Variants in CMSS1 observed in about 807,000 individuals in gnomAD.
CMSS1 encodes the protein protein CMSS1.
A neutral mutation model predicts 43.5 loss-of-function variants in CMSS1; 33 were observed. That is an observed-to-expected ratio of 0.76 (90% CI 0.57 to 1.01). The LOEUF (loss-of-function observed/expected upper bound fraction) is 1.01, where lower values mean the gene tolerates loss of function less well. Among genes scored for constraint, CMSS1 ranks in the 50% least tolerant of loss-of-function variants. The pLI is 0.00. For missense variants in CMSS1, 313 were observed against 326.4 expected (o/e 0.96, Z 0.32); for synonymous variants, 115 against 117.2 (o/e 0.98, Z 0.12).
intron 1 of CMSS1, among the ~76,000 whole-genome samples, chr3:99,843,293 A>C (rs1943214107): frequency 6.6e-6 from 1 of 152,230 alleles, no homozygotes; most frequent in Admixed American, 6.5e-5. Context: ...TAGCTCAGCC[A>C]AAGATTTAGG....
intron 1 of CMSS1, among the ~76,000 whole-genome samples, chr3:99,838,922 G>A (rs949261566): frequency 1.3e-5 from 2 of 152,040 alleles, no homozygotes; most frequent in African/African-American, 4.8e-5. Flanking sequence ...CTGTATTCAT[G>A]GTTCTTCACA....
chr3:100,158,898 G>A (rs181097858), intron 2 of CMSS1, among the ~76,000 whole-genome samples: 5 of 152,298 alleles, frequency 3.3e-5, no homozygotes, highest in Admixed American at 2.0e-4. Context: ...ACCTCCATAC[G>A]TTAATAGATT....
chr3:99,892,738 A>C (rs1706124282), intron 1 of CMSS1, among the ~76,000 whole-genome samples: 1 of 152,122 alleles, frequency 6.6e-6, no homozygotes, highest in African/African-American at 2.4e-5. Flanking sequence ...ACCCACCCTC[A>C]AAGGCTTGCC....
At chr3:100,144,102 G>A (rs1052400661) in intron 1 of CMSS1, among the ~76,000 whole-genome samples, 1 of 151,928 alleles carries the variant, frequency 6.6e-6, no homozygotes, top group Non-Finnish European at 1.5e-5. Context: ...CTGTGTATAC[G>A]TTTTTTTCTT....
intron 5 of CMSS1, among the ~76,000 whole-genome samples, 187 bp downstream of exon 5, chr3:100,166,581 A>T (rs2067067773): frequency 6.6e-6 from 1 of 152,214 alleles, no homozygotes; most frequent in African/African-American, 2.4e-5. Flanking sequence ...CGAGTCACTG[A>T]GTACTCCCCT....
At chr3:99,841,388 C>T (rs771340485) in intron 1 of CMSS1, among the ~76,000 whole-genome samples, 7 of 152,324 alleles carry the variant, frequency 4.6e-5, no homozygotes, top group South Asian at 2.1e-4. Context: ...ACCACCTTTG[C>T]CTTTTGCCGG....
At chr3:100,088,191 TG>T (rs1432588570) in intron 1 of CMSS1, among the ~76,000 whole-genome samples, 1 of 152,204 alleles carries the variant, frequency 6.6e-6, no homozygotes, top group East Asian at 1.9e-4. Flanking sequence ...GGGAGCTTGC[TG>T]GGATGGAAAA....
intron 1 of CMSS1, chr3:99,850,405 A>G (rs760419965): frequency 1.2e-6 from 2 of 1,613,796 alleles, no homozygotes; most frequent in South Asian, 2.2e-5. Context: ...CAGAGCCATA[A>G]TTCTTTTACT....
At chr3:100,080,423 G>A (rs2065914765) in intron 1 of CMSS1, among the ~76,000 whole-genome samples, 1 of 152,072 alleles carries the variant, frequency 6.6e-6, no homozygotes, top group Non-Finnish European at 1.5e-5. Flanking sequence ...AATCACCCAG[G>A]GAACATGTTA....
At chr3:100,162,179 C>A in intron 3 of CMSS1, 124 bp from the exon 4 acceptor site, 2 of 654,210 alleles carry the variant, frequency 3.1e-6, no homozygotes, top group South Asian at 2.4e-5. Flanking sequence ...TTATTAAAAC[C>A]CACATTCACA....
chr3:100,036,795 A>G (rs540514925), intron 1 of CMSS1, among the ~76,000 whole-genome samples: 1,545 of 152,300 alleles, frequency 0.01, 33 homozygotes, highest in African/African-American at 0.035. Flanking sequence ...TGACACTTTA[A>G]CCAAGTGATC....
At chr3:99,996,365 T>C (rs1053796888) in intron 1 of CMSS1, among the ~76,000 whole-genome samples, 15 of 152,206 alleles carry the variant, frequency 9.9e-5, no homozygotes, top group Admixed American at 9.8e-4. Flanking sequence ...TCCATATCAC[T>C]GCCAGGCCTT....
chr3:99,825,067 C>T (rs1942512036), intron 1 of CMSS1, among the ~76,000 whole-genome samples: 1 of 152,108 alleles, frequency 6.6e-6, no homozygotes, highest in Non-Finnish European at 1.5e-5. Flanking sequence ...TAAACCTTTA[C>T]AGTATTAGTT....
At chr3:99,911,181 A>G (rs1332379831) in intron 1 of CMSS1, among the ~76,000 whole-genome samples, 1 of 152,072 alleles carries the variant, frequency 6.6e-6, no homozygotes, top group Non-Finnish European at 1.5e-5. Flanking sequence ...CCAAATGGAA[A>G]TGTATTTCTT....
chr3:99,958,756 G>A (rs1415003434), intron 1 of CMSS1, among the ~76,000 whole-genome samples: 1 of 152,034 alleles, frequency 6.6e-6, no homozygotes, highest in South Asian at 2.1e-4. Context: ...TGGGGCTAGA[G>A]CTTGAGGTTT....
chr3:100,144,880 A>G (rs1194047386), intron 1 of CMSS1, among the ~76,000 whole-genome samples: 1 of 152,192 alleles, frequency 6.6e-6, no homozygotes, highest in Non-Finnish European at 1.5e-5. Context: ...CTTGGTCCCT[A>G]AAATCTCTAG....
intron 1 of CMSS1, among the ~76,000 whole-genome samples, chr3:99,837,152 A>G (rs1301973705): frequency 6.6e-6 from 1 of 152,210 alleles, no homozygotes; most frequent in Non-Finnish European, 1.5e-5. Flanking sequence ...ATTTCATATG[A>G]AATAAATGGG....
intron 1 of CMSS1, chr3:100,141,701 A>G (rs1010910604): frequency 7.4e-5 from 29 of 391,882 alleles, no homozygotes; most frequent in South Asian, 5.8e-4. Flanking sequence ...CCAGGGGTTG[A>G]AAAAGGACAG....
intron 1 of CMSS1, among the ~76,000 whole-genome samples, chr3:100,093,117 G>T (rs1368171101): frequency 6.6e-6 from 1 of 152,004 alleles, no homozygotes; most frequent in African/African-American, 2.4e-5. Context: ...GAAAAGGTTA[G>T]CTCATTTTAA....
Sources: allele counts gnomAD v4.1 joint callset (sites outside exome capture counted in the v4.1 genomes callset), GRCh38; gene constraint gnomAD v4.1.1; transcripts MANE v1.5; gene names NCBI Gene and HGNC (gene_info 2026-07-23, HGNC 2026-07-21).